The following ETV7 variants were observed in gnomAD, a reference collection of about 807,000 sequenced individuals.
ETV7 encodes the protein transcription factor ETV7.
In ETV7, 43 loss-of-function variants were observed where a neutral mutation model predicts 39.1. That is an observed-to-expected ratio of 1.10 (90% CI 0.86 to 1.42). The LOEUF is 1.42. ETV7 is among the 40% of genes most tolerant of loss of function. The pLI, the probability that ETV7 is intolerant of heterozygous loss-of-function variation, is 0.00. For missense variants in ETV7, 432 were observed against 442.3 expected, an observed-to-expected ratio of 0.98 and a Z score of 0.21; for synonymous variants, 196 against 176.6, an observed-to-expected ratio of 1.11 and a Z score of -0.87.
intron 2 of ETV7, among the ~76,000 whole-genome samples, chr6:36,381,409 C>T (rs556143619): frequency 1.3e-5 from 2 of 152,280 alleles, no homozygotes; most frequent in African/African-American, 4.8e-5. Context: ...TCCATGCCTA[C>T]TGAATATATT....
intron 2 of ETV7, among the ~76,000 whole-genome samples, chr6:36,383,968 T>C (rs1409511056): frequency 6.6e-6 from 1 of 152,128 alleles, no homozygotes; most frequent in Admixed American, 6.5e-5. Context: ...CCTTAGCCAG[T>C]GTACAGGGTA....
In ETV7 at chr6:36,369,217, C is replaced by T. The variant is rs187503660; in HGVS notation, c.665-146G>A. The T allele has an allele frequency of 8.8e-5, 74 of 842,574 alleles. No homozygotes were observed. In the East Asian group the frequency reaches 1.7e-3, roughly 20 times the overall value. The allele number at this position is 842,574 out of a possible 1,614,324, so 52.2% of individuals were successfully genotyped here. A position where few individuals can be genotyped will look rare whatever the true frequency, so the allele number is the denominator to read the frequency against. On this transcript the variant is annotated intron_variant, in intron 5 of 7. Transcript: ENST00000340181. ...AAAATGATGATATCAACAGAAACAG[C>T]CACTAATGGGGCTCCTCACGCATTG...
At chr6:36,383,754 G>A (rs141655935) in intron 2 of ETV7, among the ~76,000 whole-genome samples, 1 of 152,346 alleles carries the variant, frequency 6.6e-6, no homozygotes, top group African/African-American at 2.4e-5. Flanking sequence ...TTTTAAAACT[G>A]TCAGGTATTT....
At chr6:36,387,102 C>T (rs1461615270) in intron 1 of ETV7, among the ~76,000 whole-genome samples, 2 of 152,042 alleles carry the variant, frequency 1.3e-5, no homozygotes, top group African/African-American at 4.8e-5. Flanking sequence ...GACGGGGCGC[C>T]AGCTCTGGGG....
At chr6:36,383,423 A>G (rs1773747489) in intron 2 of ETV7, among the ~76,000 whole-genome samples, 1 of 152,224 alleles carries the variant, frequency 6.6e-6, no homozygotes, top group African/African-American at 2.4e-5. Flanking sequence ...AGTGAGCTCT[A>G]CAGGAAAATA....
chr6:36,354,393 C>G, exon 8 of ETV7: 1 of 316,514 alleles, frequency 3.2e-6, no homozygotes, highest in Admixed American at 4.8e-5. Context: ...TTAGCTCTTA[C>G]GTTTATGTCT....
downstream of ETV7, among the ~76,000 whole-genome samples, chr6:36,362,358 G>A (rs143679753): frequency 0.014 from 2,116 of 152,210 alleles, 22 homozygotes; most frequent in Non-Finnish European, 0.021. Context: ...AGCTACTCGG[G>A]AGGCTGAGGC....
intron 5 of ETV7, 40 bp from the exon 6 acceptor site, chr6:36,369,111 C>T: frequency 6.2e-7 from 1 of 1,611,784 alleles, no homozygotes; most frequent in Non-Finnish European, 8.5e-7. Flanking sequence ...CGCAGCTTTA[C>T]TGGAGCTGTG....
At chr6:36,364,765 G>A (rs980869267), downstream of ETV7, among the ~76,000 whole-genome samples, 13 of 152,242 alleles carry the variant, frequency 8.5e-5, no homozygotes, top group Non-Finnish European at 1.8e-4. Context: ...AGCGAGGGCT[G>A]TGAGGACTGC....
At position 36,366,883 on chromosome 6, in the gene ETV7, G is replaced by C. The variant is rs778410787; in HGVS notation, c.900C>G (p.Leu300=). The change falls in exon 7 of 8, where the codon CTC becomes CTG. Residue 300 remains leucine (L), a synonymous_variant. Transcript: ENST00000340181. ...NIIKKEPGQK[L]LFRFLKTPGK... is the part of the protein sequence containing the mutation. ...TCCCCTAGGCCACTCACCTGAACAG[G>C]AGTTTCTGCCCCGGTTCCTTCTTAA... is the stretch of plus-strand genomic sequence containing the variant. 6.2e-7 allele frequency: 1 copy of C among 1,613,994 alleles called. No homozygotes were observed. Among genetic ancestry groups the C allele is most frequent in the South Asian group, 1.1e-5 (1 of 91,068 alleles).
exon 8 of ETV7, chr6:36,354,138 T>C (rs1228629185): frequency 6.6e-6 from 1 of 152,034 alleles, no homozygotes; most frequent in Non-Finnish European, 1.5e-5. Flanking sequence ...TCTTTATCAA[T>C]CCTGGATACA....
intron 2 of ETV7, among the ~76,000 whole-genome samples, chr6:36,378,239 G>GAAAAAAAAAA (rs1461350471): frequency 3.5e-5 from 2 of 57,600 alleles, no homozygotes; most frequent in Non-Finnish European, 2.9e-5. Context: ...AATCTAATAT[G>GAAAAAAAAAA]GAAAAAAAAA....
At chr6:36,360,547 C>T (rs1218558219) in intron 7 of ETV7, among the ~76,000 whole-genome samples, 2 of 152,004 alleles carry the variant, frequency 1.3e-5, no homozygotes, top group African/African-American at 2.4e-5. Context: ...GCCTGGATGT[C>T]TACTTACAGA....
At chr6:36,384,536 G>A (rs574218552) in intron 2 of ETV7, among the ~76,000 whole-genome samples, 19 of 152,188 alleles carry the variant, frequency 1.2e-4, no homozygotes, top group Non-Finnish European at 2.2e-4. Flanking sequence ...TCAGAGGAGA[G>A]TTGTGGGTCT....
intron 1 of ETV7, chr6:36,386,735 C>G (rs3798480): frequency 0.5 from 76,090 of 152,106 alleles, 19,694 homozygotes; most frequent in Middle Eastern, 0.6. Flanking sequence ...AACACCTTTC[C>G]GGGTCGTTCT....
Position 36,387,552 on chromosome 6 carries a change from G to A in ETV7, c.-11C>T. On this transcript the variant is annotated 5_prime_UTR_variant, in exon 1 of 8. Coordinates refer to ENST00000340181, the MANE Select transcript of ETV7 (RefSeq NM_016135.4). Reference sequence around the variant, plus strand: ...GGCTCTTACCTGCATTACAGGTGGAGGTGAGGAAGCCACCGGCTTTCTGTC... The same window carrying A: ...GGCTCTTACCTGCATTACAGGTGGAAGTGAGGAAGCCACCGGCTTTCTGTC... The A allele has an allele frequency of 6.2e-7, 1 of 1,614,090 alleles. No homozygotes were observed. Among genetic ancestry groups the A allele is most frequent in the East Asian group, 2.2e-5 (1 of 44,886 alleles).
chr6:36,374,274 TG>T (rs1455702407), intron 3 of ETV7, among the ~76,000 whole-genome samples: 4 of 151,748 alleles, frequency 2.6e-5, no homozygotes, highest in Non-Finnish European at 5.9e-5. Context: ...GGAGAATCAC[TG>T]GAACCCAGGA....
At chr6:36,354,550 G>C (rs528254213) in exon 8 of ETV7, 94 of 640,928 alleles carry the variant, frequency 1.5e-4, no homozygotes, top group Non-Finnish European at 2.3e-4. Flanking sequence ...AATCTTTGTT[G>C]AGTACTATAG....
At chr6:36,363,183 G>A (rs749008754), downstream of ETV7, among the ~76,000 whole-genome samples, 2 of 152,358 alleles carry the variant, frequency 1.3e-5, no homozygotes, top group African/African-American at 2.4e-5. Flanking sequence ...CAAGAATGAA[G>A]CCGCGGACCC....
Sources: allele counts gnomAD v4.1 joint callset (sites outside exome capture counted in the v4.1 genomes callset), GRCh38; gene constraint gnomAD v4.1.1; transcripts MANE v1.5; gene names NCBI Gene and HGNC (gene_info 2026-07-23, HGNC 2026-07-21).